The following FSTL5 variants were observed in gnomAD, a reference collection of about 807,000 sequenced individuals.
FSTL5 encodes the protein follistatin-related protein 5.
Under a neutral mutation model 89.1 loss-of-function variants are expected in FSTL5, and 62 were observed. The ratio of observed to expected loss-of-function variants is 0.70; its 90% CI spans 0.57 to 0.86. The LOEUF is 0.86. Among genes scored for constraint, FSTL5 ranks in the 40% least tolerant of loss-of-function variants. FSTL5 has a pLI of 0.00. For missense variants in FSTL5, 1,057 were observed against 1,001.6 expected (o/e 1.06, Z -0.75); for synonymous variants, 383 against 346.2 (o/e 1.11, Z -1.18).
intron 6 of FSTL5, among the ~76,000 whole-genome samples, chr4:161,703,663 G>C (rs1016001134): frequency 2.0e-5 from 3 of 152,020 alleles, no homozygotes; most frequent in Admixed American, 1.3e-4. Context: ...AATTGATTCT[G>C]AAAATCTCAG....
At chr4:161,933,558 T>C (rs1734349835) in intron 3 of FSTL5, among the ~76,000 whole-genome samples, 1 of 151,574 alleles carries the variant, frequency 6.6e-6, no homozygotes, top group Non-Finnish European at 1.5e-5. Context: ...AAACATCTAT[T>C]TTGAGAGAAA....
chr4:162,105,136 T>C (rs1731170187), intron 2 of FSTL5, among the ~76,000 whole-genome samples: 1 of 152,214 alleles, frequency 6.6e-6, no homozygotes, highest in African/African-American at 2.4e-5. Flanking sequence ...CAACTTGATG[T>C]TTCATATGCA....
At chr4:161,826,701 A>T (rs1231218426) in intron 4 of FSTL5, among the ~76,000 whole-genome samples, 1 of 152,178 alleles carries the variant, frequency 6.6e-6, no homozygotes, top group Non-Finnish European at 1.5e-5. Flanking sequence ...CTGACATAAG[A>T]ATAGCAACTC....
At chr4:162,099,544 C>T (rs1730903504) in intron 2 of FSTL5, among the ~76,000 whole-genome samples, 1 of 152,018 alleles carries the variant, frequency 6.6e-6, no homozygotes. Flanking sequence ...AACAAAGGCA[C>T]AGTCCATGAA....
At chr4:161,954,944 A>G (rs1734989840) in intron 3 of FSTL5, among the ~76,000 whole-genome samples, 1 of 151,686 alleles carries the variant, frequency 6.6e-6, no homozygotes, top group Non-Finnish European at 1.5e-5. Context: ...GTTGTAATAT[A>G]CAATAAAGTA....
At chr4:161,555,599 G>C (rs1732359784) in intron 8 of FSTL5, among the ~76,000 whole-genome samples, 1 of 151,516 alleles carries the variant, frequency 6.6e-6, no homozygotes, top group African/African-American at 2.4e-5. Flanking sequence ...CAGAAAATTT[G>C]AACGCATCTC....
intron 8 of FSTL5, among the ~76,000 whole-genome samples, chr4:161,575,705 G>C (rs530565450): frequency 6.6e-6 from 1 of 152,184 alleles, no homozygotes; most frequent in South Asian, 2.1e-4. Flanking sequence ...ACCCACCTTG[G>C]TCTCCTGAAG....
intron 15 of FSTL5, among the ~76,000 whole-genome samples, chr4:161,422,296 C>T (rs1226339757): frequency 6.6e-6 from 1 of 151,972 alleles, no homozygotes; most frequent in Non-Finnish European, 1.5e-5. Flanking sequence ...CAGTAGATTG[C>T]CTAGCACAAA....
At position 161,893,397 on chromosome 4, in the gene FSTL5, T is replaced by G. The variant is rs573345856; in HGVS notation, c.409+27007A>C. Among the ~76,000 whole-genome samples the G allele has an allele frequency of 7.2e-5, 11 of 152,308 alleles. No homozygotes were observed. The South Asian group carries it at 2.3e-3, about 32-fold the overall frequency. On this transcript the variant is annotated intron_variant, in intron 4 of 15. Transcript: ENST00000306100. ...GATTGTTTTCAAGTTCTATATTCCA[T>G]TCTAATATTTTAAACTTGTCATCTT...
At chr4:161,525,880 T>C (rs1445157355) in intron 10 of FSTL5, among the ~76,000 whole-genome samples, 1 of 152,184 alleles carries the variant, frequency 6.6e-6, no homozygotes, top group Non-Finnish European at 1.5e-5. Flanking sequence ...TAGGTATTTC[T>C]CTACTATTTT....
At chr4:161,989,467 T>TA in intron 3 of FSTL5, among the ~76,000 whole-genome samples, 1 of 152,310 alleles carries the variant, frequency 6.6e-6, no homozygotes, top group Non-Finnish European at 1.5e-5. Flanking sequence ...AATGTAGACT[T>TA]ACCATGCTTC....
intron 3 of FSTL5, among the ~76,000 whole-genome samples, chr4:161,935,500 A>G (rs1734407261): frequency 6.6e-6 from 1 of 152,158 alleles, no homozygotes; most frequent in African/African-American, 2.4e-5. Context: ...ATGCACTTCC[A>G]TCATAAAAAA....
chr4:161,692,339 A>T (rs545017738), intron 6 of FSTL5, among the ~76,000 whole-genome samples: 35 of 60,902 alleles, frequency 5.7e-4, no homozygotes, highest in Non-Finnish European at 1.1e-3. Context: ...AGATATGGAG[A>T]TCGTGTGTGT....
At chr4:161,952,746 G>A (rs10026430) in intron 3 of FSTL5, among the ~76,000 whole-genome samples, 49,483 of 151,604 alleles carry the variant, frequency 0.33, 9,764 homozygotes, top group Non-Finnish European at 0.43. Flanking sequence ...ATAATGATTC[G>A]GGTATTAATT....
At chr4:161,538,052 G>T in intron 10 of FSTL5, 114 bp downstream of exon 10, 4 of 882,920 alleles carry the variant, frequency 4.5e-6, no homozygotes, top group Non-Finnish European at 6.9e-6. Context: ...AAATCTATTT[G>T]TTATAATGCA....
chr4:161,446,355 A>C (rs938992459), intron 15 of FSTL5, among the ~76,000 whole-genome samples: 1 of 152,098 alleles, frequency 6.6e-6, no homozygotes, highest in African/African-American at 2.4e-5. Context: ...TCTCAAAGAT[A>C]AAATTATTTA....
At chr4:161,495,411 T>G (rs1332996605) in intron 12 of FSTL5, 1 of 152,134 alleles carries the variant, frequency 6.6e-6, no homozygotes, top group Non-Finnish European at 1.5e-5. Flanking sequence ...TCTGAATCCA[T>G]AAGTCTGAAA....
chr4:161,815,624 ATT>A, intron 4 of FSTL5, among the ~76,000 whole-genome samples: 1 of 151,940 alleles, frequency 6.6e-6, no homozygotes, highest in African/African-American at 2.4e-5. Flanking sequence ...GTGACCCTTT[ATT>A]CAGCTACCCA....
intron 6 of FSTL5, among the ~76,000 whole-genome samples, chr4:161,684,923 T>C (rs1270290992): frequency 6.6e-6 from 1 of 152,192 alleles, no homozygotes; most frequent in Non-Finnish European, 1.5e-5. Flanking sequence ...TCTTGAGTTT[T>C]TGTATAAGGT....
Sources: gnomAD v4.1 joint callset for allele counts (sites outside exome capture counted in the v4.1 genomes callset) on GRCh38, gnomAD v4.1.1 for gene constraint, MANE v1.5 for transcripts, NCBI Gene and HGNC (gene_info 2026-07-23, HGNC 2026-07-21) for gene names.